COL2A1: variants seen among roughly 807,000 people sequenced by gnomAD.
The protein encoded by COL2A1 is collagen type II alpha 1 chain, also known as collagen alpha-1(II) chain.
A neutral mutation model predicts 204.5 loss-of-function variants in COL2A1; 28 were observed. The observed-to-expected ratio is 0.14, with a 90% CI of 0.10 to 0.19. COL2A1 has a LOEUF of 0.19. Ranked by LOEUF, COL2A1 falls within the 10% of genes least tolerant of loss-of-function variation. The pLI is 1.00. For missense variants in COL2A1, 1,388 were observed against 2,027.5 expected, an observed-to-expected ratio of 0.68 and a Z score of 6.06; for synonymous variants, 708 against 718.7, an observed-to-expected ratio of 0.99 and a Z score of 0.24.
intron 13 of COL2A1, 40 bp downstream of exon 13, chr12:47,993,954 G>C (rs1939827342): frequency 6.2e-7 from 1 of 1,613,398 alleles, no homozygotes; most frequent in South Asian, 1.1e-5. Flanking sequence ...TCTCCCACCA[G>C]GCATCTCTTC....
intron 37 of COL2A1, 104 bp from the exon 38 acceptor site, chr12:47,981,072 G>T: frequency 8.2e-7 from 1 of 1,212,726 alleles, no homozygotes. Flanking sequence ...CTGTTCCCCA[G>T]AGACGGGGAT....
rs1014038869 is a variant in COL2A1 at position 48,004,393 on chromosome 12, C to T, written c.-72G>A. 5.4e-6 allele frequency: 5 copies of T among 924,986 alleles called. No individual in the cohort carries two copies. The highest frequency in any genetic ancestry group is 8.5e-6 in the Non-Finnish European group (5 of 590,224). 57.3% of individuals were successfully genotyped at this position (924,986 alleles called of 1,614,324 possible). A position where few individuals can be genotyped will look rare whatever the true frequency, so the allele number is the denominator to read the frequency against. On this transcript the variant is annotated 5_prime_UTR_variant, in exon 1 of 54. Transcript: ENST00000380518. ...GAAACGGCAGGAGCACGGCGCGGGT[C>T]CGGGTCTCTACCGCGCCCTCATGCA... is the stretch of plus-strand genomic sequence containing the variant.
chr12:47,981,487 G>GGGAA, intron 36 of COL2A1, 91 bp from the exon 37 acceptor site: 1 of 1,198,242 alleles, frequency 8.3e-7, no homozygotes, highest in South Asian at 1.3e-5. Context: ...CCTTGCTCGT[G>GGGAA]GGAAGGGGGC....
intron 23 of COL2A1, 111 bp downstream of exon 23, chr12:47,986,225 G>A (rs1939397857): frequency 1.2e-6 from 1 of 819,956 alleles, no homozygotes; most frequent in Non-Finnish European, 2.1e-6. Flanking sequence ...AGAAAGAGGA[G>A]GATGACATGC....
rs753250408 is a variant in COL2A1 at position 47,989,711 on chromosome 12, G to A, written c.1068+50C>T. 4.8e-5 allele frequency: 76 copies of A among 1,571,240 alleles called. 1 individual carries two copies. In the Admixed American group the frequency reaches 8.0e-4, roughly 17 times the overall value. ...TGCAGACTGCCTTGGGCTGCTTAAC[G>A]GGACTTAAAGCACAGCAACAATGAC... is the stretch of plus-strand genomic sequence containing the variant. On this transcript the variant is annotated intron_variant, in intron 17 of 53. Transcript: ENST00000380518.
Position 47,987,603 on chromosome 12 carries a change from G to A in COL2A1, c.1221+8C>T. ...GACCCCCCCAGGCCAAAGAGAAGCT[G>A]CACTTACGGAGGCACCAGCAGGCCC... is the stretch of plus-strand genomic sequence containing the variant. On this transcript the variant is annotated splice_region_variant and intron_variant, in intron 19 of 53. Coordinates refer to ENST00000380518, the MANE Select transcript of COL2A1 (RefSeq NM_001844.5). The surrounding 1 kb of genome is among the most constrained non-coding windows in gnomAD (Gnocchi z 4.1). The A allele has an allele frequency of 6.2e-7, 1 of 1,608,522 alleles. No individual in the cohort carries two copies. Among genetic ancestry groups the A allele is most frequent in the South Asian group, 1.1e-5 (1 of 90,220 alleles).
upstream of COL2A1, chr12:48,005,260 G>C (rs901505706): frequency 3.3e-5 from 5 of 153,374 alleles, no homozygotes; most frequent in African/African-American, 9.6e-5. Context: ...GGCAGGCCCT[G>C]GGAAGGGGAC....
chr12:47,973,355 A>ACTT lies in COL2A1; in HGVS notation c.*49_*51dup, dbSNP rs1413343267. On this transcript the variant is annotated 3_prime_UTR_variant, in exon 54 of 54. Transcript: ENST00000380518. ...CCTAGAGTGACTGAGATTGGAAAGTACTTGGGTCCTTTGGGTTTGCAACGG... is the reference window on the plus strand; with the variant it reads ...CCTAGAGTGACTGAGATTGGAAAGTACTTCTTGGGTCCTTTGGGTTTGCAACGG... 6 of 1,613,484 alleles carry ACTT rather than the reference A, an allele frequency of 3.7e-6. No individual in the cohort carries two copies. The African/African-American group carries it at 8.0e-5, about 22-fold the overall frequency.
chr12:48,001,871 C>T (rs1940251932), intron 1 of COL2A1, among the ~76,000 whole-genome samples: 1 of 152,240 alleles, frequency 6.6e-6, no homozygotes, highest in African/African-American at 2.4e-5. Flanking sequence ...TGATCCGGTT[C>T]CCCTCATTAC....
chr12:47,977,278 C>T (rs771580999), intron 46 of COL2A1, 42 bp downstream of exon 46: 8 of 1,579,246 alleles, frequency 5.1e-6, no homozygotes, highest in African/African-American at 2.7e-5. Flanking sequence ...TCAGCCCCAC[C>T]GCGCAGGGGA....
chr12:47,996,122 G>T (rs1182359481), intron 8 of COL2A1, among the ~76,000 whole-genome samples: 1 of 152,232 alleles, frequency 6.6e-6, no homozygotes, highest in Non-Finnish European at 1.5e-5. Context: ...GGACAGAAAA[G>T]CTGGCCTTGC....
In COL2A1 at chr12:47,995,324, G is replaced by A; in HGVS notation, c.709-16C>T. On this transcript the variant is annotated splice_polypyrimidine_tract_variant and intron_variant, in intron 10 of 53. Transcript: ENST00000380518. ...CCATGGGACCCTACAAACAAAGGAA[G>A]ATAGTTTAAGAGATGGTTATAGTGG... 1 of 1,609,420 alleles carries A rather than the reference G, an allele frequency of 6.2e-7. No homozygotes were observed. Among genetic ancestry groups the A allele is most frequent in the East Asian group, 2.2e-5 (1 of 44,876 alleles).
At position 47,978,826 on chromosome 12, in the gene COL2A1, T is replaced by C; in HGVS notation, c.2734-68A>G. The C allele has an allele frequency of 6.4e-7, 1 of 1,564,742 alleles. No homozygotes were observed. Reference sequence around the variant, plus strand: ...TCCTCATCCAGGCTGCCAAAGTCACTGTGGCCTCAGTGACAGCAGTTTCCT... The same window carrying C: ...TCCTCATCCAGGCTGCCAAAGTCACCGTGGCCTCAGTGACAGCAGTTTCCT... On this transcript the variant is annotated intron_variant, in intron 41 of 53. Transcript: ENST00000380518. This position sits in a 1 kb window ranked among gnomAD's most constrained non-coding sequence, Gnocchi z 5.5.
chr12:47,977,284 G>A (rs370600218), intron 46 of COL2A1, 36 bp downstream of exon 46: 25 of 1,589,110 alleles, frequency 1.6e-5, no homozygotes, highest in Non-Finnish European at 2.1e-5. Context: ...CCACCGCGCA[G>A]GGGAAGGCGG....
intron 22 of COL2A1, 55 bp downstream of exon 22, chr12:47,986,780 C>T (rs1939441826): frequency 4.4e-6 from 7 of 1,589,238 alleles, no homozygotes; most frequent in Non-Finnish European, 6.0e-6. Context: ...GGGCTGAGGC[C>T]TGTGCCTCAT....
At position 47,979,272 on chromosome 12, in the gene COL2A1, C is replaced by G. The variant is rs73297163; in HGVS notation, c.2733+239G>C. Among the ~76,000 whole-genome samples the G allele has an allele frequency of 0.024, 3,715 of 152,264 alleles. 192 individuals are homozygous for G. Among genetic ancestry groups the G allele is most frequent in the African/African-American group, 0.084 (3,484 of 41,514 alleles). On this transcript the variant is annotated intron_variant, in intron 41 of 53. Transcript: ENST00000380518. ...CTGTCCAGGATGAAGGTAATCATGG[C>G]AGCCCTGTCCTGCCCACCAAGCCAG...
intron 22 of COL2A1, 140 bp from the exon 23 acceptor site, chr12:47,986,583 C>G (rs538443543): frequency 1.4e-6 from 1 of 713,032 alleles, no homozygotes; most frequent in Non-Finnish European, 2.4e-6. Flanking sequence ...CCATAAAGGA[C>G]GAGCCATGGC....
Position 47,973,182 on chromosome 12 carries a change from C to T in COL2A1, c.*225G>A, listed in dbSNP as rs1938518081. The T allele has an allele frequency of 3.1e-6, 2 of 647,516 alleles. No homozygotes were observed. The highest frequency in any genetic ancestry group is 3.6e-5 in the African/African-American group (2 of 55,174). The allele number at this position is 647,516 out of a possible 1,614,324, so 40.1% of individuals were successfully genotyped here. ...CCTCTGCCTTGACCCGAAGGTCTTA[C>T]AGGAAGACAATAAATAAATAGAACA... is the stretch of plus-strand genomic sequence containing the variant. On this transcript the variant is annotated 3_prime_UTR_variant, in exon 54 of 54. Transcript: ENST00000380518.
Position 47,976,914 on chromosome 12 carries a change from A to C in COL2A1, c.3333T>G (p.Pro1111=). 1 of 1,604,340 alleles carries C rather than the reference A, an allele frequency of 6.2e-7. No homozygotes were observed. Among genetic ancestry groups the C allele is most frequent in the Non-Finnish European group, 8.5e-7 (1 of 1,174,962 alleles). The change falls in exon 48 of 54, where the codon CCT becomes CCG. Residue 1111 remains proline, a synonymous_variant. Coordinates refer to ENST00000380518, the MANE Select transcript of COL2A1 (RefSeq NM_001844.5). This position sits in a 1 kb window ranked among gnomAD's most constrained non-coding sequence, Gnocchi z 4.3. ...GPAGARGIQG[P]QGPRGDKGEA... ...CTCCTTTGTCACCTCTGGGGCCTTG[A>C]GGACCCTGGGAACAAGACAGACACC...
Sources: gnomAD v4.1 joint callset for allele counts (sites outside exome capture counted in the v4.1 genomes callset) on GRCh38, gnomAD v4.1.1 for gene constraint, Gnocchi (gnomAD v3.1) non-coding constraint, MANE v1.5 for transcripts, NCBI Gene and HGNC (gene_info 2026-07-23, HGNC 2026-07-21) for gene names.